The following PPP1R12B variants were observed in gnomAD, a reference collection of about 807,000 sequenced individuals.
PPP1R12B encodes the protein protein phosphatase 1 regulatory subunit 12B.
PPP1R12B carries 76 observed loss-of-function variants against 126.1 expected under a neutral mutation model. The observed-to-expected ratio is 0.60, with a 90% CI of 0.50 to 0.73. The LOEUF (loss-of-function observed/expected upper bound fraction) is 0.73. Among genes scored for constraint, PPP1R12B ranks in the 30% least tolerant of loss-of-function variants. The pLI is 0.00. For missense variants in PPP1R12B, 1,052 were observed against 1,205.1 expected (o/e 0.87, Z 1.88); for synonymous variants, 356 against 434.7 (o/e 0.82, Z 2.25).
At chr1:202,474,114 T>C (rs1676315795) in intron 13 of PPP1R12B, among the ~76,000 whole-genome samples, 1 of 152,124 alleles carries the variant, frequency 6.6e-6, no homozygotes, top group Non-Finnish European at 1.5e-5. Flanking sequence ...ATTTGCTATA[T>C]CTATAGAACT....
intron 23 of PPP1R12B, among the ~76,000 whole-genome samples, chr1:202,580,258 AG>A (rs2149044845): frequency 6.6e-6 from 1 of 152,382 alleles, no homozygotes; most frequent in South Asian, 2.1e-4. Flanking sequence ...CCAGCTCAAA[AG>A]ATGGAGTGGC....
At chr1:202,364,616 A>C (rs560094181) in intron 1 of PPP1R12B, among the ~76,000 whole-genome samples, 1 of 151,800 alleles carries the variant, frequency 6.6e-6, no homozygotes, top group Non-Finnish European at 1.5e-5. Context: ...TTGCTCTGTC[A>C]CCCAGGCTGG....
chr1:202,502,825 G>C (rs1371156396), intron 18 of PPP1R12B: 1 of 152,072 alleles, frequency 6.6e-6, no homozygotes, highest in African/African-American at 2.4e-5. Flanking sequence ...GATATGTAGG[G>C]GTAGAGTGTT....
At chr1:202,535,177 C>T (rs1378289705) in intron 18 of PPP1R12B, among the ~76,000 whole-genome samples, 2 of 151,876 alleles carry the variant, frequency 1.3e-5, no homozygotes, top group Non-Finnish European at 2.9e-5. Flanking sequence ...AGAACTTGAT[C>T]ATATCAGTCA....
intron 1 of PPP1R12B, among the ~76,000 whole-genome samples, chr1:202,357,100 C>T (rs1657253271): frequency 6.6e-6 from 1 of 152,100 alleles, no homozygotes; most frequent in African/African-American, 2.4e-5. Flanking sequence ...CAGGTGTGAG[C>T]CACTGGGGAT....
chr1:202,501,764 G>A, intron 18 of PPP1R12B: 1 of 786,840 alleles, frequency 1.3e-6, no homozygotes, highest in African/African-American at 1.9e-5. Context: ...CCTTTTTTCA[G>A]GGAACCTCTT....
rs1553332035 is a variant in PPP1R12B at position 202,588,825 on chromosome 1, A to AGAT, written c.*8266_*8268dup. 1 of 27,520 alleles carries AGAT rather than the reference A, an allele frequency of 3.6e-5. No individual in the cohort carries two copies. Among genetic ancestry groups the AGAT allele is most frequent in the Non-Finnish European group, 7.9e-5 (1 of 12,628 alleles). The allele number at this position is 27,520 out of a possible 1,614,324, so 1.7% of individuals were successfully genotyped here. A position where few individuals can be genotyped will look rare whatever the true frequency, so the allele number is the denominator to read the frequency against. On this transcript the variant is annotated 3_prime_UTR_variant, in exon 24 of 24. Transcript: ENST00000608999. ...TAGATTGGCGTTCAAAAGAACCGTA[A>AGAT]GATAGATAGATAGATAGATAGATAG...
intron 13 of PPP1R12B, among the ~76,000 whole-genome samples, chr1:202,449,748 G>A (rs35087498): frequency 6.6e-6 from 1 of 151,824 alleles, no homozygotes; most frequent in Non-Finnish European, 1.5e-5. Flanking sequence ...GTGCAGTGGC[G>A]CGATCTCAGC....
chr1:202,543,520 C>A (rs1462849255), intron 18 of PPP1R12B, among the ~76,000 whole-genome samples: 1 of 152,134 alleles, frequency 6.6e-6, no homozygotes, highest in Non-Finnish European at 1.5e-5. Context: ...GCCTCGTGGA[C>A]CACGAGGTCA....
chr1:202,386,781 G>A (rs1663215373), intron 1 of PPP1R12B, among the ~76,000 whole-genome samples: 1 of 151,390 alleles, frequency 6.6e-6, no homozygotes, highest in Admixed American at 6.6e-5. Context: ...TTATCCTACT[G>A]TTGTTTGATT....
Position 202,495,463 on chromosome 1 carries a change from A to C in PPP1R12B, c.2316A>C (p.Ala772=). 1.2e-6 allele frequency: 2 copies of C among 1,607,476 alleles called. No homozygotes were observed. Among genetic ancestry groups the C allele is most frequent in the Non-Finnish European group, 1.7e-6 (2 of 1,176,822 alleles). ...AGACTACCACAAACACTACAACTGC[A>C]AAGGAAATGGACAAAAATGGTATGT... is the stretch of plus-strand genomic sequence containing the variant. The part of the protein sequence containing the change: ...SSETTTNTTT[A]KEMDKNENEE... The change falls in exon 16 of 24, where the codon GCA becomes GCC. Residue 772 remains alanine (A), a synonymous_variant. Coordinates refer to ENST00000608999, the MANE Select transcript of PPP1R12B (RefSeq NM_002481.4).
chr1:202,521,854 A>G (rs1383762765), intron 18 of PPP1R12B, among the ~76,000 whole-genome samples: 1 of 152,256 alleles, frequency 6.6e-6, no homozygotes, highest in Non-Finnish European at 1.5e-5. Context: ...AAAATAGAAA[A>G]TGCTGCCATA....
intron 1 of PPP1R12B, among the ~76,000 whole-genome samples, chr1:202,415,676 C>T (rs1667972120): frequency 6.6e-6 from 1 of 152,042 alleles, no homozygotes. Context: ...TATGGTAAGC[C>T]TAAAGCCTTT....
At chr1:202,577,617 T>C (rs1435052661) in intron 23 of PPP1R12B, among the ~76,000 whole-genome samples, 1 of 152,016 alleles carries the variant, frequency 6.6e-6, no homozygotes, top group Non-Finnish European at 1.5e-5. Flanking sequence ...TATCTCAGCA[T>C]GTAGAGCAAA....
At chr1:202,568,621 A>T (rs1228903864) in intron 22 of PPP1R12B, among the ~76,000 whole-genome samples, 1 of 152,216 alleles carries the variant, frequency 6.6e-6, no homozygotes, top group Non-Finnish European at 1.5e-5. Context: ...GCTGGGAAAG[A>T]GAAATGGAAC....
rs781229709 is a variant in PPP1R12B at position 202,564,555 on chromosome 1, G to A, written c.2757+8G>A. On this transcript the variant is annotated splice_region_variant and intron_variant, in intron 21 of 23. Coordinates refer to ENST00000608999, the MANE Select transcript of PPP1R12B (RefSeq NM_002481.4). ...CTTGAGAAGGTGGCCCAGGTAAGAC[G>A]GAAGAAGAAGAAAAAAGATGAGAAC... 1.2e-5 allele frequency: 19 copies of A among 1,590,940 alleles called. No individual in the cohort carries two copies. Among genetic ancestry groups the A allele is most frequent in the Non-Finnish European group, 1.6e-5 (19 of 1,162,278 alleles).
Position 202,588,643 on chromosome 1 carries a change from C to CTT in PPP1R12B, c.*8084_*8085dup, listed in dbSNP as rs1689965865. On this transcript the variant is annotated 3_prime_UTR_variant, in exon 24 of 24. Transcript: ENST00000608999. ...GGGGCAGCCTCTTCTGATTTTACAT[C>CTT]TTATCATTGGTGGGGGCCTCGCCCA... The CTT allele has an allele frequency of 6.6e-6, 1 of 152,252 alleles. No homozygotes were observed. The highest frequency in any genetic ancestry group is 2.1e-4 in the South Asian group (1 of 4,824). 9.4% of individuals were successfully genotyped at this position (152,252 alleles called of 1,614,324 possible).
chr1:202,365,674 T>C (rs895828586), intron 1 of PPP1R12B, among the ~76,000 whole-genome samples: 4 of 152,260 alleles, frequency 2.6e-5, no homozygotes, highest in African/African-American at 4.8e-5. Flanking sequence ...ACCTAGGTTG[T>C]GCTGGTTTTC....
At chr1:202,550,155 G>T (rs868046703) in intron 18 of PPP1R12B, among the ~76,000 whole-genome samples, 1 of 152,178 alleles carries the variant, frequency 6.6e-6, no homozygotes, top group Non-Finnish European at 1.5e-5. Flanking sequence ...TCTACCCTAT[G>T]TTACTTAGGT....
Sources: allele counts gnomAD v4.1 joint callset (sites outside exome capture counted in the v4.1 genomes callset), GRCh38; gene constraint gnomAD v4.1.1; transcripts MANE v1.5; gene names NCBI Gene and HGNC (gene_info 2026-07-23, HGNC 2026-07-21).